Variants in GPHN observed in about 807,000 individuals in gnomAD.
The protein encoded by GPHN is gephyrin.
A neutral mutation model predicts 95.5 loss-of-function variants in GPHN; 17 were observed. The observed-to-expected ratio is 0.18, with a 90% CI of 0.12 to 0.27. GPHN has a LOEUF of 0.27. Ranked by LOEUF, GPHN falls within the 10% of genes least tolerant of loss-of-function variation. The probability of loss-of-function intolerance (pLI) is 1.00; values close to 1 mark genes in which losing one functional copy is unlikely to be tolerated. For missense variants in GPHN, 660 were observed against 978.1 expected (o/e 0.67, Z 4.34); for synonymous variants, 320 against 322.5 (o/e 0.99, Z 0.08).
the GPHN span, chr14:67,599,953 A>T: frequency 1.5e-6 from 2 of 1,337,056 alleles, no homozygotes; most frequent in South Asian, 2.8e-5. Context: ...GGGCTCGACC[A>T]AAGACCCCAA....
the GPHN span, among the ~76,000 whole-genome samples, chr14:67,394,667 G>A: frequency 5.3e-5 from 8 of 152,072 alleles, no homozygotes; most frequent in Non-Finnish European, 1.5e-5. Flanking sequence ...CTTTTGCCTG[G>A]GAGGTTGGTG....
At chr14:66,691,900 G>A (rs1414395909) in intron 2 of GPHN, among the ~76,000 whole-genome samples, 1 of 152,158 alleles carries the variant, frequency 6.6e-6, no homozygotes, top group Non-Finnish European at 1.5e-5. Context: ...AAACTATCCA[G>A]TACTTTGGTT....
chr14:66,674,681 G>A (rs183676258), intron 1 of GPHN, among the ~76,000 whole-genome samples: 1 of 152,240 alleles, frequency 6.6e-6, no homozygotes, highest in East Asian at 1.9e-4. Flanking sequence ...AATCAATTAT[G>A]TATATACGAC....
At chr14:66,626,180 A>G (rs1009634378) in intron 1 of GPHN, among the ~76,000 whole-genome samples, 7 of 152,180 alleles carry the variant, frequency 4.6e-5, no homozygotes, top group African/African-American at 1.4e-4. Context: ...TGCTTAGATA[A>G]TTATAGAGAA....
Position 66,515,075 on chromosome 14 carries a change from CATTTTCAGATGAGATACTCAGTT to C in GPHN, c.64+6490_64+6512del, listed in dbSNP as rs548005033. Among the ~76,000 whole-genome samples the C allele has an allele frequency of 3.1e-4, 47 of 152,238 alleles. No homozygotes were observed. In the South Asian group the frequency reaches 8.3e-3, roughly 27 times the overall value. ...AGGTAACGCATATGAAAATGCCTAG[CATTTTCAGATGAGATACTCAGTT>C]ATTTTTGGTTCCTTCCTCTTTGTAT... On this transcript the variant is annotated intron_variant, in intron 1 of 22. Transcript: ENST00000478722.
intron 1 of GPHN, among the ~76,000 whole-genome samples, chr14:66,555,500 G>C (rs146082705): frequency 6.6e-6 from 1 of 151,744 alleles, no homozygotes; most frequent in Admixed American, 6.6e-5. Flanking sequence ...TTGCCCCCCC[G>C]CAACCCACGC....
At chr14:67,398,517 T>TTC in the GPHN span, among the ~76,000 whole-genome samples, 2 of 151,614 alleles carry the variant, frequency 1.3e-5, no homozygotes, top group East Asian at 1.9e-4. Context: ...TAAATGACCC[T>TTC]TCATTATTTC....
chr14:67,674,768 G>A, the GPHN span: 396 of 314,380 alleles, frequency 1.3e-3, 1 homozygote, highest in African/African-American at 7.9e-3. Context: ...GCGCCGGGGC[G>A]ATCGGCAGTC....
chr14:67,045,593 G>A (rs1461285043), intron 10 of GPHN, among the ~76,000 whole-genome samples: 1 of 145,756 alleles, frequency 6.9e-6, no homozygotes, highest in African/African-American at 2.6e-5. Context: ...GTGTCTGTCT[G>A]TCTCTCTGTC....
At chr14:67,566,157 C>G in the GPHN span, among the ~76,000 whole-genome samples, 3 of 151,886 alleles carry the variant, frequency 2.0e-5, no homozygotes, top group African/African-American at 4.8e-5. Context: ...GGCACACAGC[C>G]CTAGACTTTT....
chr14:67,420,796 C>G, the GPHN span, among the ~76,000 whole-genome samples: 1 of 152,254 alleles, frequency 6.6e-6, no homozygotes, highest in Non-Finnish European at 1.5e-5. Flanking sequence ...GAAGGCAAAT[C>G]ATCTCTAATT....
rs1235995044 is a variant in GPHN at position 67,035,144 on chromosome 14, C to G, written c.1006+11469C>G. The stretch of plus-strand genomic sequence containing the variant: ...ATATGTGAAAATTAAATGAGACACT[C>G]TTGAACAACCAGTAGGTCAAAGGAA... On this transcript the variant is annotated intron_variant, in intron 10 of 22. Transcript: ENST00000478722. Among the ~76,000 whole-genome samples the G allele has an allele frequency of 2.0e-5, 3 of 151,646 alleles. No individual in the cohort carries two copies. The East Asian group carries it at 5.8e-4, about 29-fold the overall frequency.
At chr14:67,041,375 A>G (rs1193188001) in intron 10 of GPHN, among the ~76,000 whole-genome samples, 2 of 125,736 alleles carry the variant, frequency 1.6e-5, no homozygotes. Flanking sequence ...CTAACCCCCC[A>G]CCCCCCAACA....
chr14:67,570,412 C>A, the GPHN span: 1 of 375,700 alleles, frequency 2.7e-6, no homozygotes, highest in Non-Finnish European at 3.7e-6. Context: ...GCAATATTTT[C>A]ATACACATTT....
At chr14:66,613,674 T>C (rs2062876709) in intron 1 of GPHN, among the ~76,000 whole-genome samples, 1 of 152,138 alleles carries the variant, frequency 6.6e-6, no homozygotes, top group East Asian at 1.9e-4. Flanking sequence ...TAATGAAGAT[T>C]GTATATGTTC....
intron 17 of GPHN, among the ~76,000 whole-genome samples, chr14:67,129,544 AAAT>A (rs1337340433): frequency 3.3e-5 from 5 of 152,320 alleles, no homozygotes; most frequent in Admixed American, 2.0e-4. Context: ...GCAATTGCTC[AAAT>A]AATAAGACTT....
At chr14:66,662,203 C>A (rs1340120863) in intron 1 of GPHN, among the ~76,000 whole-genome samples, 3 of 152,314 alleles carry the variant, frequency 2.0e-5, no homozygotes, top group Middle Eastern at 6.8e-3. Flanking sequence ...TGATCCCACT[C>A]TTCCTGACTG....
At chr14:67,625,173 C>G in the GPHN span, among the ~76,000 whole-genome samples, 1 of 151,890 alleles carries the variant, frequency 6.6e-6, no homozygotes. Context: ...AAAAAAAATC[C>G]CTATCTCACA....
At chr14:66,805,111 G>T (rs1429487400) in intron 3 of GPHN, among the ~76,000 whole-genome samples, 1 of 152,202 alleles carries the variant, frequency 6.6e-6, no homozygotes, top group East Asian at 1.9e-4. Context: ...GTTCCCCATG[G>T]CTGGGGAGGC....
Sources: allele counts gnomAD v4.1 joint callset (sites outside exome capture counted in the v4.1 genomes callset), GRCh38; gene constraint gnomAD v4.1.1; transcripts MANE v1.5; gene names NCBI Gene and HGNC (gene_info 2026-07-23, HGNC 2026-07-21).